SPECC1L: variants seen among roughly 807,000 people sequenced by gnomAD.
The protein encoded by SPECC1L is cytospin-A.
A neutral mutation model predicts 116.8 loss-of-function variants in SPECC1L; 40 were observed. The ratio of observed to expected loss-of-function variants is 0.34; its 90% CI spans 0.27 to 0.45. The LOEUF (loss-of-function observed/expected upper bound fraction) is 0.45, where lower values mean the gene tolerates loss of function less well. SPECC1L is among the 20% of genes least tolerant of loss of function. SPECC1L has a pLI of 1.00. For synonymous variants in SPECC1L, 504 were observed against 500.6 expected (o/e 1.01, Z -0.09); for missense variants, 1,110 against 1,373.6 (o/e 0.81, Z 3.03).
intron 3 of SPECC1L, 129 bp downstream of exon 3, chr22:24,302,513 A>G: frequency 8.1e-7 from 1 of 1,241,262 alleles, no homozygotes; most frequent in Non-Finnish European, 1.2e-6. Flanking sequence ...TGGCCTTTGA[A>G]GAGAGCTTAC....
chr22:24,358,615 G>C (rs1018257403), intron 11 of SPECC1L, among the ~76,000 whole-genome samples: 9 of 152,142 alleles, frequency 5.9e-5, no homozygotes, highest in African/African-American at 2.2e-4. Flanking sequence ...TATACAAACT[G>C]TTGGCTCTGT....
chr22:24,313,722 A>G (rs1601537207), intron 4 of SPECC1L, among the ~76,000 whole-genome samples: 2 of 150,574 alleles, frequency 1.3e-5, no homozygotes, highest in South Asian at 4.2e-4. Context: ...ATACTTTATT[A>G]TCTTGGAAAG....
In SPECC1L at chr22:24,414,630, C is replaced by CG; in HGVS notation, c.*10dup. The CG allele has an allele frequency of 1.2e-6, 2 of 1,613,078 alleles. No individual in the cohort carries two copies. The highest frequency in any genetic ancestry group is 8.5e-7 in the Non-Finnish European group (1 of 1,179,536). On this transcript the variant is annotated 3_prime_UTR_variant, in exon 17 of 17. Transcript: ENST00000314328. ...CAAGTACTTTGAGACCTGAGCATGC[C>CG]GGGAGGAGCCGCCCCAATAGCGGGG...
At chr22:24,307,631 G>C (rs1022936164) in intron 3 of SPECC1L, among the ~76,000 whole-genome samples, 10 of 151,990 alleles carry the variant, frequency 6.6e-5, no homozygotes. Context: ...ATGTACGTAC[G>C]TGTATGTGTA....
At chr22:24,357,321 G>C (rs989715763) in intron 11 of SPECC1L, among the ~76,000 whole-genome samples, 4 of 152,090 alleles carry the variant, frequency 2.6e-5, no homozygotes, top group African/African-American at 9.7e-5. Flanking sequence ...CAGCACTCAG[G>C]GAGGCCAAGG....
At chr22:24,397,825 T>A (rs17004912) in intron 14 of SPECC1L, among the ~76,000 whole-genome samples, 5,132 of 152,308 alleles carry the variant, frequency 0.034, 176 homozygotes, top group African/African-American at 0.082. Flanking sequence ...GGACTTTGTT[T>A]CTGGATGGAG....
At chr22:24,271,560 G>A (rs545873693) in intron 1 of SPECC1L, among the ~76,000 whole-genome samples, 1 of 152,354 alleles carries the variant, frequency 6.6e-6, no homozygotes, top group Admixed American at 6.5e-5. Context: ...TGAATAATCC[G>A]GTACCTGTCT....
intron 14 of SPECC1L, among the ~76,000 whole-genome samples, chr22:24,370,560 G>GTTCCACTTCTGGAAAA (rs1556296528): frequency 1.2e-4 from 19 of 152,310 alleles, no homozygotes; most frequent in Non-Finnish European, 2.5e-4. Context: ...TGATCTGGCA[G>GTTCCACTTCTGGAAAA]TTCCACTTCT....
At position 24,331,990 on chromosome 22, in the gene SPECC1L, A is replaced by G. The variant is rs1404200350; in HGVS notation, c.2396+1559A>G. On this transcript the variant is annotated intron_variant, in intron 8 of 16. Transcript: ENST00000314328. ...TGCTTTATGTGCTATACTCAAGACT[A>G]TACTGAAGAGTGAGGTCACGTTGAG... Among the ~76,000 whole-genome samples the G allele has an allele frequency of 2.0e-5, 3 of 152,258 alleles. No homozygotes were observed. The South Asian group carries it at 6.2e-4, about 31-fold the overall frequency.
chr22:24,354,818 C>T (rs545864429), intron 11 of SPECC1L, among the ~76,000 whole-genome samples: 17 of 152,074 alleles, frequency 1.1e-4, no homozygotes, highest in Non-Finnish European at 1.6e-4. Flanking sequence ...CATGCCACCA[C>T]ACCTGGCTAA....
intron 14 of SPECC1L, among the ~76,000 whole-genome samples, chr22:24,381,208 G>A (rs752914411): frequency 3.3e-5 from 5 of 152,170 alleles, no homozygotes; most frequent in African/African-American, 9.7e-5. Flanking sequence ...CTAACTGAAT[G>A]TAATCAGGAT....
chr22:24,288,648 C>T (rs1216728702), intron 2 of SPECC1L, among the ~76,000 whole-genome samples: 3 of 56,174 alleles, frequency 5.3e-5, no homozygotes, highest in Non-Finnish European at 3.1e-5. Context: ...TTTTTTTGGA[C>T]ATATCCTTGC....
At chr22:24,353,938 T>A (rs978937542) in intron 11 of SPECC1L, among the ~76,000 whole-genome samples, 10 of 152,036 alleles carry the variant, frequency 6.6e-5, no homozygotes, top group African/African-American at 2.4e-4. Flanking sequence ...AGAAAAGAGG[T>A]TTAATTGGCT....
At chr22:24,272,735 GTA>G (rs900527875) in intron 1 of SPECC1L, among the ~76,000 whole-genome samples, 1 of 151,674 alleles carries the variant, frequency 6.6e-6, no homozygotes, top group African/African-American at 2.4e-5. Context: ...ACATAGAAGG[GTA>G]TATAGTGAAA....
In SPECC1L at chr22:24,328,849, C is replaced by T. The variant is rs201244795; in HGVS notation, c.2150C>T (p.Thr717Ile). The T allele has an allele frequency of 1.1e-5, 18 of 1,611,352 alleles. No individual in the cohort carries two copies. The highest frequency in any genetic ancestry group is 8.3e-5 in the Admixed American group (5 of 60,000). The change falls in exon 7 of 17, where the codon ACA becomes ATA. Residue 717 changes from threonine (T) to isoleucine (I), a missense_variant. Physicochemically the swap from Thr to Ile is moderately conservative, Grantham distance 89. Around this residue, in one of 4 missense-constraint regions of SPECC1L, gnomAD observed 575 missense variants for 682.4 expected, o/e 0.84. Coordinates refer to ENST00000314328, the MANE Select transcript of SPECC1L (RefSeq NM_015330.6). ...DNLIISDLEN[T>I]VKKLQDQKHD... The stretch of plus-strand genomic sequence containing the variant: ...TAAACTTTGGTGATCTTTTCAGATA[C>T]AGTTAAAAAACTCCAGGACCAAAAG...
chr22:24,320,286 AC>A (rs1464174898), intron 4 of SPECC1L, among the ~76,000 whole-genome samples: 1 of 152,212 alleles, frequency 6.6e-6, no homozygotes, highest in Non-Finnish European at 1.5e-5. Context: ...CTCAAAAAAA[AC>A]CAAAAAAACG....
intron 14 of SPECC1L, among the ~76,000 whole-genome samples, chr22:24,408,984 A>G (rs2042643243): frequency 6.6e-6 from 1 of 152,148 alleles, no homozygotes; most frequent in Admixed American, 6.5e-5. Context: ...TGCTGGTTGG[A>G]CACATCCTTG....
chr22:24,397,211 G>A (rs910425817), intron 14 of SPECC1L, among the ~76,000 whole-genome samples: 6 of 152,056 alleles, frequency 3.9e-5, no homozygotes, highest in African/African-American at 7.3e-5. Flanking sequence ...GTGTAGAAAC[G>A]AATACACCGA....
At chr22:24,338,270 A>G (rs1199982452) in intron 9 of SPECC1L, 116 bp from the exon 10 acceptor site, 7 of 981,804 alleles carry the variant, frequency 7.1e-6, no homozygotes, top group Non-Finnish European at 1.1e-5. Flanking sequence ...ATCAGCCAAG[A>G]CAGTGTCCAG....
Sources: gnomAD v4.1 joint callset for allele counts (sites outside exome capture counted in the v4.1 genomes callset) on GRCh38, gnomAD v4.1.1 for gene constraint, gnomAD v4.1.1 regional missense constraint, MANE v1.5 for transcripts, NCBI Gene and HGNC (gene_info 2026-07-23, HGNC 2026-07-21) for gene names.